TTC39B: variants seen among roughly 807,000 people sequenced by gnomAD.
TTC39B encodes tetratricopeptide repeat protein 39B.
TTC39B carries 92 observed loss-of-function variants against 96.6 expected under a neutral mutation model. The observed-to-expected ratio is 0.95, with a 90% CI of 0.80 to 1.13. The LOEUF is 1.13. TTC39B is among the 50% of genes most tolerant of loss of function. The probability of loss-of-function intolerance (pLI) is 0.00; values close to 1 mark genes in which losing one functional copy is unlikely to be tolerated. For missense variants in TTC39B, 955 were observed against 809.3 expected (o/e 1.18, Z -2.18); for synonymous variants, 367 against 299.4 (o/e 1.23, Z -2.33).
At chr9:15,181,446 CT>C (rs1713554755) in intron 17 of TTC39B, among the ~76,000 whole-genome samples, 1 of 152,254 alleles carries the variant, frequency 6.6e-6, no homozygotes, top group African/African-American at 2.4e-5. Context: ...AAGGAAACAA[CT>C]TTGGATAGCA....
At chr9:15,216,583 G>T (rs1282782840) in intron 3 of TTC39B, among the ~76,000 whole-genome samples, 1 of 152,182 alleles carries the variant, frequency 6.6e-6, no homozygotes, top group East Asian at 1.9e-4. Context: ...TTTTGTCAGT[G>T]TTACATTCTG....
chr9:15,188,408 G>A (rs1257888238), intron 13 of TTC39B, among the ~76,000 whole-genome samples: 1 of 152,150 alleles, frequency 6.6e-6, no homozygotes, highest in Non-Finnish European at 1.5e-5. Context: ...TTTAAGAAAA[G>A]ACTGACAATA....
intron 1 of TTC39B, among the ~76,000 whole-genome samples, chr9:15,298,657 T>A (rs1038511441): frequency 1.3e-5 from 2 of 152,136 alleles, no homozygotes; most frequent in African/African-American, 2.4e-5. Context: ...ACGTGGGGAT[T>A]ATGTGAGCTA....
intron 2 of TTC39B, among the ~76,000 whole-genome samples, chr9:15,265,771 A>G (rs901742872): frequency 1.3e-5 from 2 of 152,218 alleles, no homozygotes; most frequent in Non-Finnish European, 2.9e-5. Context: ...CTATGATGTG[A>G]TAAGAATGGC....
chr9:15,287,932 C>T (rs1212864766), intron 1 of TTC39B, among the ~76,000 whole-genome samples: 3 of 106,412 alleles, frequency 2.8e-5, no homozygotes, highest in African/African-American at 3.6e-5. Context: ...GGCGACAGGG[C>T]GAGACTCCAT....
At chr9:15,198,038 T>G (rs1223603384) in intron 8 of TTC39B, among the ~76,000 whole-genome samples, 1 of 152,154 alleles carries the variant, frequency 6.6e-6, no homozygotes, top group South Asian at 2.1e-4. Flanking sequence ...CCATTTTGAA[T>G]AAGAATATGA....
At chr9:15,198,596 A>T (rs1307287901) in intron 8 of TTC39B, among the ~76,000 whole-genome samples, 1 of 151,842 alleles carries the variant, frequency 6.6e-6, no homozygotes, top group Non-Finnish European at 1.5e-5. Context: ...CTTAAAAACA[A>T]TATTATAAAC....
chr9:15,175,597 A>C (rs1817893508), intron 18 of TTC39B, among the ~76,000 whole-genome samples: 1 of 152,190 alleles, frequency 6.6e-6, no homozygotes, highest in Non-Finnish European at 1.5e-5. Flanking sequence ...TATTAGGAGA[A>C]CTCTCTGGTT....
chr9:15,213,007 G>C (rs562151500), intron 4 of TTC39B, among the ~76,000 whole-genome samples: 1 of 152,246 alleles, frequency 6.6e-6, no homozygotes, highest in South Asian at 2.1e-4. Context: ...AAATGTTTGA[G>C]GTGATGGATA....
chr9:15,248,846 T>C (rs752694944), intron 2 of TTC39B, among the ~76,000 whole-genome samples: 1 of 152,202 alleles, frequency 6.6e-6, no homozygotes, highest in Non-Finnish European at 1.5e-5. Context: ...TCAACCAAAA[T>C]ACTGGCACCC....
At chr9:15,235,178 A>G (rs541743289) in intron 2 of TTC39B, among the ~76,000 whole-genome samples, 1 of 152,160 alleles carries the variant, frequency 6.6e-6, no homozygotes, top group Non-Finnish European at 1.5e-5. Context: ...CAGAGCTTAA[A>G]GACCTCCAAT....
chr9:15,307,049 C>T (rs1170929945), intron 1 of TTC39B, 35 bp downstream of exon 1: 2 of 1,602,944 alleles, frequency 1.2e-6, no homozygotes, highest in Non-Finnish European at 1.7e-6. Context: ...TCCAGGGCTT[C>T]AGGGGCCGGG....
chr9:15,306,895 G>A lies in TTC39B; in HGVS notation c.240+189C>T, dbSNP rs1824769691. 2.0e-5 allele frequency among the ~76,000 whole-genome samples: 3 copies of A among 151,916 alleles called. No individual in the cohort carries two copies. The highest frequency in any genetic ancestry group is 2.1e-4 in the South Asian group (1 of 4,824). On this transcript the variant is annotated intron_variant, in intron 1 of 19. Coordinates refer to ENST00000512701, the Ensembl canonical transcript of TTC39B. This position sits in a 1 kb window ranked among gnomAD's most constrained non-coding sequence, Gnocchi z 5.1. ...CACTGCGTCCGCTCCGCGCGCCGCAGGGACCCTCCTAGCTCCAGCGGGGAC... is the reference window on the plus strand; with the variant it reads ...CACTGCGTCCGCTCCGCGCGCCGCAAGGACCCTCCTAGCTCCAGCGGGGAC...
At chr9:15,304,441 G>A (rs980270655) in intron 1 of TTC39B, among the ~76,000 whole-genome samples, 1 of 152,064 alleles carries the variant, frequency 6.6e-6, no homozygotes, top group Non-Finnish European at 1.5e-5. Context: ...CCTCCAATGA[G>A]GATGCAAGTC....
intron 8 of TTC39B, among the ~76,000 whole-genome samples, chr9:15,194,002 G>A (rs1252926116): frequency 6.6e-6 from 1 of 152,132 alleles, no homozygotes; most frequent in Non-Finnish European, 1.5e-5. Context: ...GGGCATTGAT[G>A]AGACAACTGG....
intron 1 of TTC39B, among the ~76,000 whole-genome samples, chr9:15,271,839 G>A (rs1340947225): frequency 1.3e-5 from 2 of 152,138 alleles, no homozygotes; most frequent in African/African-American, 2.4e-5. Flanking sequence ...TTCCTAATTG[G>A]TGGATGAAAT....
At chr9:15,223,261 A>G (rs1288920311) in intron 3 of TTC39B, among the ~76,000 whole-genome samples, 1 of 152,220 alleles carries the variant, frequency 6.6e-6, no homozygotes. Flanking sequence ...CATGGTTGTC[A>G]AAACACTCTG....
intron 2 of TTC39B, among the ~76,000 whole-genome samples, chr9:15,262,155 G>C (rs146489304): frequency 6.6e-6 from 1 of 152,068 alleles, no homozygotes; most frequent in African/African-American, 2.4e-5. Flanking sequence ...CTGGAGTGCA[G>C]TGGCACAATC....
At chr9:15,202,722 C>T (rs1049703914) in intron 7 of TTC39B, among the ~76,000 whole-genome samples, 3 of 150,464 alleles carry the variant, frequency 2.0e-5, no homozygotes, top group African/African-American at 7.4e-5. Context: ...CCCTGCCACC[C>T]CTCCCCCACC....
Sources: gnomAD v4.1 joint callset for allele counts (sites outside exome capture counted in the v4.1 genomes callset) on GRCh38, gnomAD v4.1.1 for gene constraint, Gnocchi (gnomAD v3.1) non-coding constraint, MANE v1.5 for transcripts, NCBI Gene and HGNC (gene_info 2026-07-23, HGNC 2026-07-21) for gene names.